Variants in CACNB4 observed in about 807,000 individuals in gnomAD.
CACNB4 encodes the protein calcium voltage-gated channel auxiliary subunit beta 4, also known as voltage-dependent L-type calcium channel subunit beta-4.
In CACNB4, 32 loss-of-function variants were observed where a neutral mutation model predicts 71.2. The observed-to-expected ratio is 0.45, with a 90% CI of 0.34 to 0.60. CACNB4 has a LOEUF of 0.60. CACNB4 is among the 20% of genes least tolerant of loss of function. The pLI is 0.01. For missense variants in CACNB4, 464 were observed against 647.9 expected (o/e 0.72, Z 3.08); for synonymous variants, 231 against 236.9 (o/e 0.97, Z 0.23).
At chr2:151,866,885 A>C (rs2099843282) in intron 9 of CACNB4, 2 of 150,422 alleles carry the variant, frequency 1.3e-5, no homozygotes, top group Admixed American at 1.3e-4. Flanking sequence ...TTGAGATTGA[A>C]ATTTGCATTC....
chr2:151,965,709 T>C (rs985358074), intron 2 of CACNB4, among the ~76,000 whole-genome samples: 2 of 149,212 alleles, frequency 1.3e-5, no homozygotes, highest in East Asian at 1.9e-4. Context: ...TTAGGAGAAA[T>C]TTACTTCTCA....
chr2:151,940,290 G>C (rs533629161), intron 2 of CACNB4, among the ~76,000 whole-genome samples: 2 of 152,162 alleles, frequency 1.3e-5, no homozygotes, highest in Non-Finnish European at 2.9e-5. Context: ...GAGCCTCCTT[G>C]AATTTCTAGA....
intron 2 of CACNB4, among the ~76,000 whole-genome samples, chr2:151,994,732 G>A (rs1401867135): frequency 6.6e-6 from 1 of 152,214 alleles, no homozygotes; most frequent in African/African-American, 2.4e-5. Flanking sequence ...ACATCTAGGA[G>A]ATACATCATT....
chr2:152,011,555 A>C (rs1267854266), intron 2 of CACNB4, among the ~76,000 whole-genome samples: 1 of 152,180 alleles, frequency 6.6e-6, no homozygotes, highest in Non-Finnish European at 1.5e-5. Flanking sequence ...TGGGTAGAAT[A>C]TCTCTTTTCT....
intron 2 of CACNB4, chr2:151,971,300 G>A (rs761031308): frequency 1.7e-6 from 1 of 588,696 alleles, no homozygotes; most frequent in African/African-American, 1.9e-5. Flanking sequence ...TGAAAACATT[G>A]AAAATAATCA....
chr2:152,049,569 CT>C (rs1685313046), intron 2 of CACNB4, among the ~76,000 whole-genome samples: 3 of 152,110 alleles, frequency 2.0e-5, no homozygotes, highest in Non-Finnish European at 4.4e-5. Context: ...CTTGCTCACT[CT>C]CTCTCTTTCC....
intron 2 of CACNB4, among the ~76,000 whole-genome samples, chr2:151,918,733 C>T (rs892984613): frequency 2.6e-5 from 4 of 152,178 alleles, no homozygotes; most frequent in African/African-American, 9.7e-5. Flanking sequence ...TATGAATTCT[C>T]CTCCAAATCA....
chr2:151,938,787 G>T (rs1453888529), intron 2 of CACNB4, among the ~76,000 whole-genome samples: 2 of 152,284 alleles, frequency 1.3e-5, no homozygotes, highest in East Asian at 3.9e-4. Context: ...GAGCATGGGG[G>T]GAAGGGATGG....
chr2:151,861,854 A>AAAAAAAAAAAAAAAAAAAAAC (rs1559883066), intron 9 of CACNB4: 2 of 150,208 alleles, frequency 1.3e-5, no homozygotes, highest in African/African-American at 5.0e-5. Flanking sequence ...AAAAAAAAAA[A>AAAAAAAAAAAAAAAAAAAAAC]AAAACTGAAG....
At chr2:151,962,903 T>C (rs2099870026) in intron 2 of CACNB4, 1 of 152,190 alleles carries the variant, frequency 6.6e-6, no homozygotes, top group Non-Finnish European at 1.5e-5. Context: ...CTCCCAACTG[T>C]TTTGTAAGCT....
chr2:152,010,232 T>A (rs561416767), intron 2 of CACNB4, among the ~76,000 whole-genome samples: 1 of 152,342 alleles, frequency 6.6e-6, no homozygotes, highest in South Asian at 2.1e-4. Context: ...ACCATTAAAA[T>A]CAATCTGCAC....
chr2:152,009,539 T>C (rs1232993452), intron 2 of CACNB4, among the ~76,000 whole-genome samples: 1 of 152,198 alleles, frequency 6.6e-6, no homozygotes, highest in African/African-American at 2.4e-5. Context: ...AGAGGAACTC[T>C]CTGTACCACT....
chr2:151,933,306 G>T (rs192441137), intron 2 of CACNB4, among the ~76,000 whole-genome samples: 14 of 151,938 alleles, frequency 9.2e-5, no homozygotes, highest in African/African-American at 4.8e-5. Flanking sequence ...TTATTAACAG[G>T]ATATTCTCTG....
intron 2 of CACNB4, among the ~76,000 whole-genome samples, chr2:151,991,920 A>G (rs1681727251): frequency 6.6e-6 from 1 of 152,240 alleles, no homozygotes; most frequent in African/African-American, 2.4e-5. Context: ...GAATCCAGGA[A>G]GGAGGAAAAG....
chr2:151,991,771 G>A (rs936803940), intron 2 of CACNB4, among the ~76,000 whole-genome samples: 22 of 152,176 alleles, frequency 1.4e-4, no homozygotes, highest in African/African-American at 4.3e-4. Context: ...AAAAGGAGAT[G>A]CTAAAAGAGA....
Position 152,017,409 on chromosome 2 carries a change from C to G in CACNB4, c.147+80921G>C, listed in dbSNP as rs1683401839. On this transcript the variant is annotated intron_variant, in intron 2 of 13. Transcript: ENST00000539935. The stretch of plus-strand genomic sequence containing the variant: ...GAAAACCTGAGAAACAGAAGGAAGC[C>G]TTAAAAAAATGAGATGGGCCGGGCG... Among the ~76,000 whole-genome samples, 3 of 146,002 alleles carry G rather than the reference C, an allele frequency of 2.1e-5. No individual in the cohort carries two copies. In the South Asian group the frequency reaches 6.2e-4, roughly 30 times the overall value.
At chr2:151,884,142 A>G (rs1162555390) in intron 2 of CACNB4, 1 of 151,178 alleles carries the variant, frequency 6.6e-6, no homozygotes, top group Non-Finnish European at 1.5e-5. Flanking sequence ...TCTACTAAAA[A>G]TACAAAAATT....
chr2:152,049,939 T>C (rs1373184239), intron 2 of CACNB4, among the ~76,000 whole-genome samples: 2 of 152,270 alleles, frequency 1.3e-5, no homozygotes, highest in Non-Finnish European at 2.9e-5. Flanking sequence ...ATGTGTCGAC[T>C]TGTCTGCAAG....
intron 2 of CACNB4, among the ~76,000 whole-genome samples, chr2:151,941,778 G>A (rs543898760): frequency 6.6e-6 from 1 of 152,248 alleles, no homozygotes; most frequent in Non-Finnish European, 1.5e-5. Context: ...AGCACCTTAA[G>A]GTTATGTGCT....
Sources: allele counts gnomAD v4.1 joint callset (sites outside exome capture counted in the v4.1 genomes callset), GRCh38; gene constraint gnomAD v4.1.1; transcripts MANE v1.5; gene names NCBI Gene and HGNC (gene_info 2026-07-23, HGNC 2026-07-21).